Variants in CENPP observed in about 807,000 individuals in gnomAD.
The protein encoded by CENPP is centromere protein P.
A neutral mutation model predicts 35.6 loss-of-function variants in CENPP; 24 were observed. That is an observed-to-expected ratio of 0.67 (90% confidence interval 0.49 to 0.95). The LOEUF (loss-of-function observed/expected upper bound fraction) is 0.95, where lower values mean the gene tolerates loss of function less well. CENPP is among the 40% of genes least tolerant of loss of function. The pLI, the probability that CENPP is intolerant of heterozygous loss-of-function variation, is 0.00. For synonymous variants in CENPP, 120 were observed against 125.5 expected, an observed-to-expected ratio of 0.96 and a Z score of 0.29; for missense variants, 332 against 345.3, an observed-to-expected ratio of 0.96 and a Z score of 0.31.
At chr9:92,494,237 C>A (rs331380) in intron 5 of CENPP, 3 of 1,358,346 alleles carry the variant, frequency 2.2e-6, no homozygotes, top group Non-Finnish European at 3.0e-6. Flanking sequence ...TGCTGACTCA[C>A]CTTATTCAGT....
chr9:92,352,157 G>A (rs1274541335), intron 4 of CENPP, among the ~76,000 whole-genome samples: 14 of 150,566 alleles, frequency 9.3e-5, no homozygotes, highest in Non-Finnish European at 5.9e-5. Context: ...ATCACCTGAG[G>A]TCAGGAGTTA....
At chr9:92,367,691 C>T (rs1841920082) in intron 4 of CENPP, among the ~76,000 whole-genome samples, 1 of 152,010 alleles carries the variant, frequency 6.6e-6, no homozygotes, top group African/African-American at 2.4e-5. Context: ...GATCTCGGCT[C>T]ACTGCAACCT....
intron 5 of CENPP, among the ~76,000 whole-genome samples, chr9:92,409,868 G>T (rs182094552): frequency 1.4e-3 from 210 of 152,258 alleles, no homozygotes; most frequent in African/African-American, 4.6e-3. Context: ...ACTATTTGAA[G>T]AAAATACTTT....
chr9:92,587,236 G>A (rs919159385), intron 5 of CENPP, among the ~76,000 whole-genome samples: 5 of 152,056 alleles, frequency 3.3e-5, no homozygotes, highest in African/African-American at 7.2e-5. Context: ...TTGGGAGGCC[G>A]AGGCAGGCGA....
intron 5 of CENPP, among the ~76,000 whole-genome samples, chr9:92,408,159 G>T (rs1843356402): frequency 6.6e-6 from 1 of 152,042 alleles, no homozygotes; most frequent in East Asian, 1.9e-4. Context: ...TTTGGTTTAG[G>T]AGTCAAAACA....
chr9:92,440,171 G>A (rs1433914396), intron 5 of CENPP, among the ~76,000 whole-genome samples: 2 of 151,808 alleles, frequency 1.3e-5, no homozygotes, highest in Non-Finnish European at 2.9e-5. Context: ...AGTCACTTAG[G>A]GTTATCAGAT....
chr9:92,370,224 C>T (rs1419845082), intron 4 of CENPP, among the ~76,000 whole-genome samples: 2 of 152,044 alleles, frequency 1.3e-5, no homozygotes. Context: ...TTGCTAGTTA[C>T]TTTGTTGAAG....
At chr9:92,457,074 T>C in intron 5 of CENPP, 1 of 1,336,960 alleles carries the variant, frequency 7.5e-7, no homozygotes, top group Non-Finnish European at 9.6e-7. Context: ...AAAAAGAAAC[T>C]GCAATAGATG....
intron 3 of CENPP, among the ~76,000 whole-genome samples, chr9:92,344,345 C>T (rs1564269394): frequency 1.3e-5 from 2 of 152,166 alleles, no homozygotes; most frequent in African/African-American, 2.4e-5. Flanking sequence ...ACATACTTGA[C>T]CAAGAGACCA....
intron 5 of CENPP, among the ~76,000 whole-genome samples, chr9:92,409,573 T>C (rs555739117): frequency 1.3e-5 from 2 of 152,356 alleles, no homozygotes; most frequent in Admixed American, 1.3e-4. Flanking sequence ...TCTCAACCAG[T>C]ATTATTGTGA....
intron 5 of CENPP, among the ~76,000 whole-genome samples, chr9:92,454,014 A>T (rs1189554387): frequency 6.6e-6 from 1 of 152,206 alleles, no homozygotes; most frequent in Non-Finnish European, 1.5e-5. Flanking sequence ...ACCTCATAAT[A>T]GTTAAAGAAA....
intron 5 of CENPP, among the ~76,000 whole-genome samples, chr9:92,533,332 T>TATATATATATATATAC (rs1848971716): frequency 1.3e-5 from 1 of 75,738 alleles, no homozygotes; most frequent in Non-Finnish European, 2.6e-5. Context: ...AAAAAAAATA[T>TATATATATATATATAC]ATATATATAT....
chr9:92,578,380 C>G (rs1850336975), intron 5 of CENPP, among the ~76,000 whole-genome samples: 1 of 152,172 alleles, frequency 6.6e-6, no homozygotes, highest in African/African-American at 2.4e-5. Context: ...GCCACACTGA[C>G]TTCCACAATG....
At chr9:92,467,697 G>A (rs1845365948) in intron 5 of CENPP, among the ~76,000 whole-genome samples, 1 of 152,072 alleles carries the variant, frequency 6.6e-6, no homozygotes, top group South Asian at 2.1e-4. Context: ...ACACATTTTG[G>A]TTGCTCAGTA....
chr9:92,502,763 G>T, intron 5 of CENPP: 8 of 736,346 alleles, frequency 1.1e-5, no homozygotes, highest in South Asian at 2.4e-5. Flanking sequence ...TATCTAAAGA[G>T]TCTTACTGCT....
intron 5 of CENPP, chr9:92,523,020 A>G (rs1848174185): frequency 2.2e-6 from 2 of 894,322 alleles, no homozygotes; most frequent in South Asian, 3.7e-5. Flanking sequence ...TATATGGACT[A>G]TATGCTATAG....
intron 5 of CENPP, among the ~76,000 whole-genome samples, chr9:92,502,196 G>A (rs1214684097): frequency 1.3e-5 from 2 of 152,172 alleles, no homozygotes; most frequent in Non-Finnish European, 2.9e-5. Flanking sequence ...GGCAGACCTC[G>A]AAGTCAGACA....
chr9:92,492,527 A>G (rs1473662345), intron 5 of CENPP, among the ~76,000 whole-genome samples: 1 of 152,202 alleles, frequency 6.6e-6, no homozygotes, highest in African/African-American at 2.4e-5. Flanking sequence ...CTTAATGAGA[A>G]TGGCTTCTAA....
At chr9:92,346,103 A>G (rs1841287551) in intron 4 of CENPP, among the ~76,000 whole-genome samples, 1 of 152,250 alleles carries the variant, frequency 6.6e-6, no homozygotes, top group Non-Finnish European at 1.5e-5. Flanking sequence ...AGAAGTAAAT[A>G]TAAAATTATG....
Sources: allele counts gnomAD v4.1 joint callset (sites outside exome capture counted in the v4.1 genomes callset), GRCh38; gene constraint gnomAD v4.1.1; transcripts MANE v1.5; gene names NCBI Gene and HGNC (gene_info 2026-07-23, HGNC 2026-07-21).